The following OSBPL9 variants were observed in gnomAD, a reference collection of about 807,000 sequenced individuals.
OSBPL9 encodes oxysterol-binding protein-related protein 9.
Under a neutral mutation model 106.6 loss-of-function variants are expected in OSBPL9, and 40 were observed. The ratio of observed to expected loss-of-function variants is 0.38; its 90% CI spans 0.29 to 0.49. The LOEUF (loss-of-function observed/expected upper bound fraction) is 0.49, where lower values mean the gene tolerates loss of function less well. Ranked by LOEUF, OSBPL9 falls within the 20% of genes least tolerant of loss-of-function variation. OSBPL9 has a pLI of 0.97. For missense variants in OSBPL9, 609 were observed against 887.2 expected (o/e 0.69, Z 3.98); for synonymous variants, 269 against 295.4 (o/e 0.91, Z 0.92).
upstream of OSBPL9, chr1:51,617,015 GGACCC>G: frequency 2.7e-6 from 4 of 1,487,798 alleles, no homozygotes; most frequent in Non-Finnish European, 3.6e-6. Context: ...GACCCGCCCA[GGACCC>G]GCCCCGCCCC....
At chr1:51,637,017 A>G (rs1645492136) in intron 1 of OSBPL9, among the ~76,000 whole-genome samples, 1 of 152,134 alleles carries the variant, frequency 6.6e-6, no homozygotes, top group East Asian at 1.9e-4. Flanking sequence ...TTTTACACCC[A>G]GCCTTTGTGG....
intron 3 of OSBPL9, chr1:51,707,150 C>T: frequency 2.6e-6 from 1 of 389,702 alleles, no homozygotes; most frequent in Non-Finnish European, 5.2e-6. Flanking sequence ...CCTTGGAGGC[C>T]ATGTGGACCA....
chr1:51,606,853 C>T (rs1283437917), intron 2 of OSBPL9, among the ~76,000 whole-genome samples: 1 of 151,990 alleles, frequency 6.6e-6, no homozygotes, highest in Non-Finnish European at 1.5e-5. Context: ...TCGAGACTAG[C>T]CTGGCTAACA....
chr1:51,748,505 T>G (rs1366857066), intron 7 of OSBPL9, 107 bp downstream of exon 7: 1 of 1,205,610 alleles, frequency 8.3e-7, no homozygotes, highest in Non-Finnish European at 1.1e-6. Flanking sequence ...GATGTTAGTT[T>G]TTATGAATAT....
chr1:51,784,324 G>T lies in OSBPL9; in HGVS notation c.1685G>T (p.Gly562Val). ...ATTCTCACATTCCCCAATGGCTATG[G>T]AAGGCAAGTGTGTCCATTTCCTCTG... ...HYILTFPNGY[G>V]RSILTVPWVE... Residue 562 changes from glycine to valine, a missense_variant, in exon 19 of 24, where the codon GGA (glycine) becomes GTA (valine). Around this residue, in one of 5 missense-constraint regions of OSBPL9, gnomAD observed 19 missense variants for 60.9 expected, o/e 0.31. Transcript: ENST00000428468. 1 of 1,613,540 alleles carries T rather than the reference G, an allele frequency of 6.2e-7. No homozygotes were observed. Among genetic ancestry groups the T allele is most frequent in the Non-Finnish European group, 8.5e-7 (1 of 1,179,482 alleles).
intron 4 of OSBPL9, among the ~76,000 whole-genome samples, chr1:51,724,103 C>T (rs1378626871): frequency 6.6e-6 from 1 of 151,964 alleles, no homozygotes; most frequent in South Asian, 2.1e-4. Context: ...TGCGCCACCA[C>T]GCCTGCTAAT....
intron 1 of OSBPL9, among the ~76,000 whole-genome samples, chr1:51,634,832 GCGAAAAGCATGT>G (rs1250917974): frequency 6.6e-6 from 1 of 152,194 alleles, no homozygotes; most frequent in African/African-American, 2.4e-5. Flanking sequence ...GTGGTAGAAG[GCGAAAAGCATGT>G]CTTACGCTGG....
chr1:51,672,955 T>G (rs114427189), intron 3 of OSBPL9, among the ~76,000 whole-genome samples: 2,172 of 152,242 alleles, frequency 0.014, 53 homozygotes, highest in African/African-American at 0.051. Flanking sequence ...AAAAGTTTGG[T>G]CTGCAGAAAT....
intron 3 of OSBPL9, among the ~76,000 whole-genome samples, chr1:51,705,932 A>G (rs984189858): frequency 1.3e-5 from 2 of 152,202 alleles, no homozygotes; most frequent in Admixed American, 1.3e-4. Flanking sequence ...GAGAGGAAAG[A>G]GTCATGCATC....
chr1:51,563,652 C>T, the OSBPL9 span: 1 of 152,234 alleles, frequency 6.6e-6, no homozygotes, highest in Non-Finnish European at 1.5e-5. Flanking sequence ...GCATCAGAGG[C>T]CTTTCCCACT....
At chr1:51,530,178 A>AAAAAAAAAAAAAAAAC in the OSBPL9 span, among the ~76,000 whole-genome samples, 1 of 113,336 alleles carries the variant, frequency 8.8e-6, no homozygotes, top group Non-Finnish European at 1.8e-5. Flanking sequence ...CTCAAAAAAA[A>AAAAAAAAAAAAAAAAC]AAAAAAAAAA....
chr1:51,764,347 TCTTA>T (rs947200629), intron 11 of OSBPL9, among the ~76,000 whole-genome samples: 3 of 152,172 alleles, frequency 2.0e-5, no homozygotes, highest in Admixed American at 6.5e-5. Context: ...TGCTTTTCTC[TCTTA>T]CTTTTTCTGT....
At chr1:51,724,221 C>CAGT (rs1261286247) in intron 4 of OSBPL9, among the ~76,000 whole-genome samples, 1 of 152,122 alleles carries the variant, frequency 6.6e-6, no homozygotes, top group Non-Finnish European at 1.5e-5. Flanking sequence ...CCTGGGATTA[C>CAGT]AGGCCTGAGC....
chr1:51,633,824 T>C lies in OSBPL9; in HGVS notation c.111+16603T>C, dbSNP rs182460760. 4.7e-4 allele frequency among the ~76,000 whole-genome samples: 71 copies of C among 152,160 alleles called. 3 individuals carry two copies. In the South Asian group the frequency reaches 0.012, roughly 25 times the overall value. ...CCATTTTGTAGAAATGGGGCCTCAC[T>C]ATGTTGCCCAGGTTGGTCTCAAACT... On this transcript the variant is annotated intron_variant, in intron 1 of 23. Coordinates refer to ENST00000428468, the MANE Select transcript of OSBPL9 (RefSeq NM_024586.6).
intron 3 of OSBPL9, among the ~76,000 whole-genome samples, chr1:51,693,692 A>G (rs1655449545): frequency 6.6e-6 from 1 of 152,038 alleles, no homozygotes; most frequent in African/African-American, 2.4e-5. Context: ...CTCTCTCCTC[A>G]CCTCTTTTTA....
Position 51,729,736 on chromosome 1 carries a change from C to G in OSBPL9, c.318+15657C>G, listed in dbSNP as rs1404541848. 1 of 1,019,394 alleles carries G rather than the reference C, an allele frequency of 9.8e-7. No individual in the cohort carries two copies. Among genetic ancestry groups the G allele is most frequent in the Non-Finnish European group, 1.3e-6 (1 of 792,700 alleles). The allele number at this position is 1,019,394 out of a possible 1,614,324, so 63.1% of individuals were successfully genotyped here. A position where few individuals can be genotyped will look rare whatever the true frequency, so the allele number is the denominator to read the frequency against. ...TGACCCATGGCCAATCGCCAGGGGTCTCTTTGCCAGGAGCCGCCAGGGCCA... is the reference window on the plus strand; with the variant it reads ...TGACCCATGGCCAATCGCCAGGGGTGTCTTTGCCAGGAGCCGCCAGGGCCA... On this transcript the variant is annotated intron_variant, in intron 4 of 23. Coordinates refer to ENST00000428468, the MANE Select transcript of OSBPL9 (RefSeq NM_024586.6). The surrounding 1 kb of genome is among the most constrained non-coding windows in gnomAD (Gnocchi z 5.1).
chr1:51,534,701 C>T, the OSBPL9 span, among the ~76,000 whole-genome samples: 6 of 152,238 alleles, frequency 3.9e-5, no homozygotes, highest in Admixed American at 2.0e-4. Context: ...GATGGGGCCA[C>T]GCTTTTTGCA....
intron 3 of OSBPL9, among the ~76,000 whole-genome samples, chr1:51,698,475 TACAC>T (rs1571155545): frequency 1.3e-5 from 2 of 150,848 alleles, no homozygotes; most frequent in East Asian, 4.8e-4. Context: ...TATGTGTATG[TACAC>T]ATATGTACAC....
At chr1:51,663,751 T>C (rs1041134717) in intron 2 of OSBPL9, among the ~76,000 whole-genome samples, 3 of 152,332 alleles carry the variant, frequency 2.0e-5, no homozygotes, top group African/African-American at 7.2e-5. Flanking sequence ...TTTATAACCA[T>C]TGAAGGGCTC....
Sources: gnomAD v4.1 joint callset for allele counts (sites outside exome capture counted in the v4.1 genomes callset) on GRCh38, gnomAD v4.1.1 for gene constraint, gnomAD v4.1.1 regional missense constraint, Gnocchi (gnomAD v3.1) non-coding constraint, MANE v1.5 for transcripts, NCBI Gene and HGNC (gene_info 2026-07-23, HGNC 2026-07-21) for gene names.